BIRC6: variants seen among roughly 807,000 people sequenced by gnomAD.
BIRC6 encodes dual E2 ubiquitin-conjugating enzyme/E3 ubiquitin-protein ligase BIRC6.
A neutral mutation model predicts 503.3 loss-of-function variants in BIRC6; 98 were observed. The ratio of observed to expected loss-of-function variants is 0.19; its 90% CI spans 0.17 to 0.23. The LOEUF is 0.23. Among genes scored for constraint, BIRC6 ranks in the 10% least tolerant of loss-of-function variants. The probability of loss-of-function intolerance (pLI) is 1.00; values close to 1 mark genes in which losing one functional copy is unlikely to be tolerated. For synonymous variants in BIRC6, 2,240 were observed against 2,078.7 expected, an observed-to-expected ratio of 1.08 and a Z score of -2.11; for missense variants, 5,360 against 5,806.0, an observed-to-expected ratio of 0.92 and a Z score of 2.50.
chr2:32,490,001 T>C (rs2051492544), intron 42 of BIRC6, 40 bp from the exon 43 acceptor site: 2 of 1,398,882 alleles, frequency 1.4e-6, no homozygotes, highest in East Asian at 2.3e-5. Context: ...ATAAACATTG[T>C]TTTTCTGAAA....
intron 61 of BIRC6, chr2:32,532,131 T>C (rs1307922032): frequency 9.7e-6 from 1 of 102,616 alleles, no homozygotes; most frequent in Non-Finnish European, 1.9e-5. Context: ...TTTGATTTCA[T>C]GTCGTGTGTG....
At chr2:32,567,116 G>A (rs940479625) in intron 65 of BIRC6, among the ~76,000 whole-genome samples, 4 of 152,082 alleles carry the variant, frequency 2.6e-5, no homozygotes, top group Non-Finnish European at 4.4e-5. Context: ...GATTACAGGC[G>A]CACACCACCA....
intron 1 of BIRC6, among the ~76,000 whole-genome samples, chr2:32,359,889 AATT>A (rs2033772362): frequency 6.6e-6 from 1 of 152,100 alleles, no homozygotes; most frequent in South Asian, 2.1e-4. Flanking sequence ...TATTAATAAT[AATT>A]ATCAGAGGTT....
At chr2:32,596,565 C>CT (rs1364873222) in intron 68 of BIRC6, among the ~76,000 whole-genome samples, 2 of 151,720 alleles carry the variant, frequency 1.3e-5, no homozygotes, top group Admixed American at 6.6e-5. Flanking sequence ...ATGACCTTGT[C>CT]TTAGAAAGTG....
At chr2:32,460,225 A>G (rs2047689896) in intron 23 of BIRC6, among the ~76,000 whole-genome samples, 1 of 121,830 alleles carries the variant, frequency 8.2e-6, no homozygotes, top group Non-Finnish European at 1.6e-5. Context: ...TATATATCTC[A>G]TATGATATAT....
intron 26 of BIRC6, 88 bp downstream of exon 26, chr2:32,465,252 T>A: frequency 1.2e-5 from 5 of 417,714 alleles, no homozygotes; most frequent in South Asian, 8.8e-5. Context: ...CAGTTCGATT[T>A]TTTTTTTTTT....
intron 65 of BIRC6, among the ~76,000 whole-genome samples, chr2:32,572,888 C>T (rs999190592): frequency 2.6e-5 from 4 of 152,128 alleles, no homozygotes; most frequent in African/African-American, 9.7e-5. Context: ...TATTTTACAT[C>T]AGTTGTAGAG....
At position 32,596,132 on chromosome 2, in the gene BIRC6, C is replaced by T. The variant is rs1240765384; in HGVS notation, c.13612+988C>T. Among the ~76,000 whole-genome samples the T allele has an allele frequency of 2.6e-5, 4 of 151,972 alleles. 1 individual carries two copies. The highest frequency in any genetic ancestry group is 3.4e-3 in the Middle Eastern group (1 of 294). On this transcript the variant is annotated intron_variant, in intron 68 of 73. Transcript: ENST00000421745. ...CAAGGTTTTTTATGGCTTATTTTAT[C>T]AAATAGTTCTATATTATATATTGTC...
rs1196607076 is a variant in BIRC6 at position 32,357,702 on chromosome 2, G to A, written c.325+216G>A. On this transcript the variant is annotated intron_variant, in intron 1 of 73. Transcript: ENST00000421745. The surrounding 1 kb of genome is among the most constrained non-coding windows in gnomAD (Gnocchi z 4.9). The stretch of plus-strand genomic sequence containing the variant: ...TGGGAGGAAAGACCGGCGAGTCAGG[G>A]AGTGGTGGGAGGGGAGTTGCCTTTC... Among the ~76,000 whole-genome samples, 1 of 152,180 alleles carries A rather than the reference G, an allele frequency of 6.6e-6. No homozygotes were observed. Among genetic ancestry groups the A allele is most frequent in the African/African-American group, 2.4e-5 (1 of 41,444 alleles).
At chr2:32,453,742 A>C in intron 22 of BIRC6, 66 bp from the exon 23 acceptor site, 1 of 1,465,224 alleles carries the variant, frequency 6.8e-7, no homozygotes, top group Non-Finnish European at 9.5e-7. Context: ...AGCTATAATT[A>C]TTGTTGTGAC....
rs113494335 is a variant in BIRC6, at chr2:32,410,801, C to T, written c.1478-3968C>T. Among the ~76,000 whole-genome samples the T allele has an allele frequency of 4.8e-3, 709 of 148,328 alleles. 4 individuals carry two copies. Among genetic ancestry groups the T allele is most frequent in the African/African-American group, 0.017 (676 of 40,166 alleles). On this transcript the variant is annotated intron_variant, in intron 9 of 73. Transcript: ENST00000421745. ...CTGCAAGCTCCGCCTCCCGGGTTCA[C>T]GCCATTCTGCTGCCTCAGCCTCCTG...
intron 61 of BIRC6, among the ~76,000 whole-genome samples, chr2:32,534,952 G>A (rs931670757): frequency 6.6e-6 from 1 of 151,256 alleles, no homozygotes; most frequent in Non-Finnish European, 1.5e-5. Flanking sequence ...AATTCAACAT[G>A]TAAGAAACTG....
chr2:32,424,822 C>T (rs2147784831), intron 10 of BIRC6, among the ~76,000 whole-genome samples: 1 of 152,080 alleles, frequency 6.6e-6, no homozygotes, highest in East Asian at 1.9e-4. Flanking sequence ...CTATGTTTAA[C>T]CTTTTGAGAA....
At chr2:32,477,948 G>T (rs2049951879) in intron 35 of BIRC6, among the ~76,000 whole-genome samples, 1 of 151,836 alleles carries the variant, frequency 6.6e-6, no homozygotes, top group African/African-American at 2.4e-5. Flanking sequence ...AAAACTTGAG[G>T]GTTTGAAATG....
Position 32,515,157 on chromosome 2 carries a change from T to G in BIRC6, c.10736T>G (p.Met3579Arg). ...GTGCAATGTCATCATAGACTGTCCATGACAGATGATAGCAAAAAGCAGGAT... is the reference window on the plus strand; with the variant it reads ...GTGCAATGTCATCATAGACTGTCCAGGACAGATGATAGCAAAAAGCAGGAT... ...PPVQCHHRLS[M>R]TDDSKKQDLS... The change falls in exon 55 of 74, where the codon ATG becomes AGG. Residue 3579 changes from methionine (M) to arginine (R), a missense_variant. Physicochemically the swap from Met to Arg is moderately conservative, Grantham distance 91. Transcript: ENST00000421745. The G allele has an allele frequency of 1.2e-6, 2 of 1,613,976 alleles. No homozygotes were observed. The highest frequency in any genetic ancestry group is 1.7e-6 in the Non-Finnish European group (2 of 1,179,878).
At chr2:32,435,926 TTTTAA>T (rs879583605) in intron 14 of BIRC6, 122 bp from the exon 15 acceptor site, 27 of 558,212 alleles carry the variant, frequency 4.8e-5, no homozygotes, top group Non-Finnish European at 7.6e-5. Context: ...ACAATTCTTA[TTTTAA>T]CACATTCTAA....
intron 10 of BIRC6, among the ~76,000 whole-genome samples, chr2:32,420,867 G>T (rs2042860877): frequency 6.7e-6 from 1 of 149,826 alleles, no homozygotes; most frequent in African/African-American, 2.5e-5. Flanking sequence ...ACTCTCATTT[G>T]TGATACTGAT....
chr2:32,559,736 A>T (rs947671029), intron 65 of BIRC6, among the ~76,000 whole-genome samples: 1 of 151,394 alleles, frequency 6.6e-6, no homozygotes, highest in African/African-American at 2.4e-5. Flanking sequence ...AAAAAAAAAA[A>T]TAAGGCCGGC....
At chr2:32,392,606 T>A (rs1188022634) in intron 5 of BIRC6, among the ~76,000 whole-genome samples, 2 of 152,128 alleles carry the variant, frequency 1.3e-5, no homozygotes, top group African/African-American at 2.4e-5. Context: ...AGATACAACT[T>A]TTTTAAAAAA....
Sources: gnomAD v4.1 joint callset for allele counts (sites outside exome capture counted in the v4.1 genomes callset) on GRCh38, gnomAD v4.1.1 for gene constraint, Gnocchi (gnomAD v3.1) non-coding constraint, MANE v1.5 for transcripts, NCBI Gene and HGNC (gene_info 2026-07-23, HGNC 2026-07-21) for gene names.